ARHGAP31: variants seen among roughly 807,000 people sequenced by gnomAD.
ARHGAP31 encodes the protein rho GTPase-activating protein 31.
In ARHGAP31, 34 loss-of-function variants were observed where a neutral mutation model predicts 113.9. The observed-to-expected ratio is 0.30, with a 90% CI of 0.23 to 0.40. ARHGAP31 has a LOEUF of 0.40. Ranked by LOEUF, ARHGAP31 falls within the 10% of genes least tolerant of loss-of-function variation. The probability of loss-of-function intolerance (pLI) is 1.00; values close to 1 mark genes in which losing one functional copy is unlikely to be tolerated. For synonymous variants in ARHGAP31, 650 were observed against 684.8 expected (o/e 0.95, Z 0.79); for missense variants, 1,548 against 1,767.1 (o/e 0.88, Z 2.22).
chr3:119,382,371 G>T lies in ARHGAP31; in HGVS notation c.511G>T (p.Ala171Ser). The T allele has an allele frequency of 6.2e-7, 1 of 1,614,104 alleles. No homozygotes were observed. Among genetic ancestry groups the T allele is most frequent in the South Asian group, 1.1e-5 (1 of 91,074 alleles). The change falls in exon 5 of 12, where the codon GCC becomes TCC. Residue 171 changes from alanine (A) to serine (S), a missense_variant. Coordinates refer to ENST00000264245, the MANE Select transcript of ARHGAP31 (RefSeq NM_020754.4). The stretch of plus-strand genomic sequence containing the variant: ...GACCAACATGCACGCCCGGAACCTG[G>T]CCCTGGTGTGGGCGCCAAACCTCCT... ...SKTNMHARNL[A>S]LVWAPNLLRS...
intron 1 of ARHGAP31, among the ~76,000 whole-genome samples, chr3:119,344,779 G>T (rs1005354783): frequency 1.1e-4 from 16 of 152,080 alleles, no homozygotes; most frequent in African/African-American, 3.9e-4. Context: ...CCACAAGCAT[G>T]TACAACCACC....
At chr3:119,378,607 G>C (rs2080369340) in intron 3 of ARHGAP31, among the ~76,000 whole-genome samples, 1 of 152,168 alleles carries the variant, frequency 6.6e-6, no homozygotes, top group Admixed American at 6.5e-5. Flanking sequence ...GAGATGAAGA[G>C]AAGCTCCCCA....
chr3:119,376,907 G>A lies in ARHGAP31; in HGVS notation c.349-3997G>A, dbSNP rs192783497. Reference sequence around the variant, plus strand: ...CAGGGACTCTCCCTGTTTCAACACCGAAAATCTCATGTTCCAGGAAAACTC... The same window carrying A: ...CAGGGACTCTCCCTGTTTCAACACCAAAAATCTCATGTTCCAGGAAAACTC... On this transcript the variant is annotated intron_variant, in intron 3 of 11. Transcript: ENST00000264245. Among the ~76,000 whole-genome samples, 24 of 152,302 alleles carry A rather than the reference G, an allele frequency of 1.6e-4. No homozygotes were observed. The East Asian group carries it at 3.1e-3, about 20-fold the overall frequency.
chr3:119,333,333 T>C (rs577131037), intron 1 of ARHGAP31, among the ~76,000 whole-genome samples: 1 of 152,252 alleles, frequency 6.6e-6, no homozygotes, highest in Non-Finnish European at 1.5e-5. Flanking sequence ...CTGTTGTACA[T>C]TTCTGGAAGG....
At chr3:119,332,635 T>TCTCTCACACACACA (rs1403595583) in intron 1 of ARHGAP31, among the ~76,000 whole-genome samples, 2 of 85,664 alleles carry the variant, frequency 2.3e-5, no homozygotes, top group African/African-American at 1.1e-4. Context: ...TCTCTCTCTC[T>TCTCTCACACACACA]CACACACACA....
At chr3:119,330,205 T>C (rs1023926914) in intron 1 of ARHGAP31, among the ~76,000 whole-genome samples, 3 of 152,236 alleles carry the variant, frequency 2.0e-5, no homozygotes, top group Non-Finnish European at 2.9e-5. Context: ...TTTTCCCATG[T>C]GCCTCTTCAT....
rs575356014 is a variant in ARHGAP31, at chr3:119,414,128, A to T, written c.2199A>T (p.Ala733=). 16 of 1,614,202 alleles carry T rather than the reference A, an allele frequency of 9.9e-6. No homozygotes were observed. The African/African-American group carries it at 1.7e-4, about 17-fold the overall frequency. Residue 733 remains alanine (A), a synonymous_variant, in exon 12 of 12, where the codon GCA becomes GCT. Transcript: ENST00000264245. The part of the protein sequence containing the change: ...ANQSTQGAST[A]ASREKPEPEQ... ...AGAGCACACAGGGGGCTTCCACAGC[A>T]GCCAGCAGAGAGAAGCCGGAACCTG...
intron 1 of ARHGAP31, among the ~76,000 whole-genome samples, chr3:119,297,657 G>C (rs2079544586): frequency 6.6e-6 from 1 of 152,216 alleles, no homozygotes; most frequent in Admixed American, 6.5e-5. Flanking sequence ...GCTATGCTCA[G>C]GGCATCTGAA....
intron 1 of ARHGAP31, chr3:119,322,740 C>G (rs2079802113): frequency 1.3e-5 from 2 of 153,130 alleles, no homozygotes; most frequent in African/African-American, 4.8e-5. Flanking sequence ...TCCCCTCGAG[C>G]GCCCCTCTAG....
intron 8 of ARHGAP31, among the ~76,000 whole-genome samples, chr3:119,398,214 C>T (rs1177196296): frequency 2.6e-5 from 4 of 151,884 alleles, no homozygotes; most frequent in African/African-American, 4.8e-5. Flanking sequence ...CTGTAGTGAG[C>T]TTATGATCAC....
chr3:119,381,306 T>C (rs1577020771), intron 4 of ARHGAP31, among the ~76,000 whole-genome samples: 4 of 152,288 alleles, frequency 2.6e-5, no homozygotes, highest in Admixed American at 2.6e-4. Context: ...CATAACCAAA[T>C]CTATGGCAAC....
At chr3:119,375,167 A>G (rs1040144943) in intron 3 of ARHGAP31, among the ~76,000 whole-genome samples, 3 of 152,208 alleles carry the variant, frequency 2.0e-5, no homozygotes, top group African/African-American at 7.2e-5. Flanking sequence ...ACTAATTGCC[A>G]TAAACTAGAT....
At position 119,294,841 on chromosome 3, in the gene ARHGAP31, T is replaced by C; in HGVS notation, c.-64T>C. On this transcript the variant is annotated 5_prime_UTR_variant, in exon 1 of 12. Transcript: ENST00000264245. ...GCCGGTGATCTAGCCCGGGAGCCCA[T>C]CTTACAGCGGTGCCAAGCAGAGGGG... 6.8e-7 allele frequency: 1 copy of C among 1,480,420 alleles called. No homozygotes were observed. The highest frequency in any genetic ancestry group is 9.4e-7 in the Non-Finnish European group (1 of 1,059,608). 91.7% of individuals were successfully genotyped at this position (1,480,420 alleles called of 1,614,324 possible).
intron 1 of ARHGAP31, among the ~76,000 whole-genome samples, chr3:119,360,752 T>C (rs1235078183): frequency 2.0e-5 from 3 of 152,362 alleles, no homozygotes; most frequent in African/African-American, 7.2e-5. Context: ...TCAAGTTGTA[T>C]TTTGTGCTCA....
intron 1 of ARHGAP31, among the ~76,000 whole-genome samples, chr3:119,298,506 G>A (rs1244479875): frequency 6.6e-6 from 1 of 152,108 alleles, no homozygotes; most frequent in Non-Finnish European, 1.5e-5. Flanking sequence ...AGATGGTTGG[G>A]GCCAGGAGCC....
rs71156742 is a variant in ARHGAP31 at position 119,307,940 on chromosome 3, C to CAAAAAAAAAAAAA, written c.100+12944_100+12956dup. Among the ~76,000 whole-genome samples the CAAAAAAAAAAAAA allele has an allele frequency of 6.4e-3, 290 of 45,456 alleles. 58 individuals are homozygous for CAAAAAAAAAAAAA. Among genetic ancestry groups the CAAAAAAAAAAAAA allele is most frequent in the Middle Eastern group, 0.059 (2 of 34 alleles). 29.8% of individuals were successfully genotyped at this position (45,456 alleles called of 152,430 possible). On this transcript the variant is annotated intron_variant, in intron 1 of 11. Transcript: ENST00000264245. ...AGTGAATCCAAGTATGAATTAACAG[C>CAAAAAAAAAAAAA]AAAAAAAAAAAAAAAAAAAAGCTCA...
intron 1 of ARHGAP31, among the ~76,000 whole-genome samples, chr3:119,352,604 C>T (rs1306535401): frequency 6.7e-6 from 1 of 149,978 alleles, no homozygotes; most frequent in Non-Finnish European, 1.5e-5. Context: ...CCTCCCCTCC[C>T]TCTTCCCACA....
intron 2 of ARHGAP31, among the ~76,000 whole-genome samples, chr3:119,368,157 C>G (rs1349244719): frequency 2.0e-5 from 3 of 152,172 alleles, no homozygotes; most frequent in Non-Finnish European, 2.9e-5. Context: ...TTATGTCCTT[C>G]TAATCACAGC....
Position 119,390,804 on chromosome 3 carries a change from G to A in ARHGAP31, c.702G>A (p.Lys234=), listed in dbSNP as rs1577025571. 2.5e-6 allele frequency: 4 copies of A among 1,612,644 alleles called. No homozygotes were observed. The South Asian group carries it at 4.4e-5, about 18-fold the overall frequency. ...TTACAGAAAACCGGCCCATCATGAA[G>A]AGCCTGACCTTGCCAGCCCTCTCCC... ...LENDENRPIM[K]SLTLPALSLP... The change falls in exon 7 of 12, where the codon AAG becomes AAA. Residue 234 remains lysine, a synonymous_variant. Transcript: ENST00000264245.
Sources: gnomAD v4.1 joint callset for allele counts (sites outside exome capture counted in the v4.1 genomes callset) on GRCh38, gnomAD v4.1.1 for gene constraint, MANE v1.5 for transcripts, NCBI Gene and HGNC (gene_info 2026-07-23, HGNC 2026-07-21) for gene names.